Variants in PRH1 observed in about 807,000 individuals in gnomAD.
The protein encoded by PRH1 is salivary acidic proline-rich phosphoprotein 1/2.
A neutral mutation model predicts 7.9 loss-of-function variants in PRH1; 7 were observed. The ratio of observed to expected loss-of-function variants is 0.89; its 90% CI spans 0.50 to 1.67. The LOEUF (loss-of-function observed/expected upper bound fraction) is 1.67, where lower values mean the gene tolerates loss of function less well. Ranked by LOEUF, PRH1 falls within the 40% of genes most tolerant of loss-of-function variation. The probability of loss-of-function intolerance (pLI) is 0.00; values close to 1 mark genes in which losing one functional copy is unlikely to be tolerated. For synonymous variants in PRH1, 45 were observed against 80.8 expected, an observed-to-expected ratio of 0.56 and a Z score of 2.38; for missense variants, 109 against 223.6, an observed-to-expected ratio of 0.49 and a Z score of 3.27.
At chr12:10,965,181 A>G in intron 2 of PRH1, 1 of 1,485,988 alleles carries the variant, frequency 6.7e-7, no homozygotes, top group Non-Finnish European at 9.1e-7. Context: ...ACCCAGAGCA[A>G]ACCAACTCTG....
chr12:10,960,604 G>A (rs1198404207), intron 2 of PRH1, among the ~76,000 whole-genome samples: 1 of 152,190 alleles, frequency 6.6e-6, no homozygotes, highest in East Asian at 1.9e-4. Context: ...TTATGTCAGA[G>A]CTGTGTCACT....
chr12:11,157,835 A>G (rs532141837), intron 1 of PRH1, among the ~76,000 whole-genome samples: 29 of 152,318 alleles, frequency 1.9e-4, no homozygotes, highest in Admixed American at 1.8e-3. Flanking sequence ...GGTGGTGGTG[A>G]TGATGATATT....
chr12:10,986,613 G>C (rs1176812465), intron 1 of PRH1: 2 of 1,613,764 alleles, frequency 1.2e-6, no homozygotes, highest in Admixed American at 1.7e-5. Flanking sequence ...ATTATAAGAA[G>C]TAATTCTTAA....
chr12:11,009,520 G>C (rs1381322003), intron 1 of PRH1, among the ~76,000 whole-genome samples: 4 of 151,902 alleles, frequency 2.6e-5, no homozygotes, highest in Admixed American at 6.6e-5. Flanking sequence ...AAGTATGTTA[G>C]ATATTCTGAC....
intron 1 of PRH1, among the ~76,000 whole-genome samples, chr12:11,058,908 CAT>C (rs780535978): frequency 7.9e-5 from 12 of 152,304 alleles, no homozygotes; most frequent in Middle Eastern, 3.4e-3. Context: ...TGGACACAGA[CAT>C]GTGCTTTCTT....
At chr12:10,944,541 G>A (rs528177700) in intron 2 of PRH1, among the ~76,000 whole-genome samples, 18 of 152,002 alleles carry the variant, frequency 1.2e-4, no homozygotes, top group Middle Eastern at 3.4e-3. Context: ...TTTTTTGGGC[G>A]TCCTTTATTT....
downstream of PRH1, among the ~76,000 whole-genome samples, chr12:11,119,479 A>G (rs951050004): frequency 6.6e-6 from 1 of 152,184 alleles, no homozygotes; most frequent in African/African-American, 2.4e-5. Flanking sequence ...TGGCTACCCC[A>G]TTCTTATGTG....
rs199859766 is a variant in PRH1 at position 10,972,928 on chromosome 12, A to AC, written c.-59+726dup. ...CAATTAACACGTACAAAGCACCACAACCCACCCCCCCCGCCCGCCCACACA... is the reference window on the plus strand; with the variant it reads ...CAATTAACACGTACAAAGCACCACAACCCCACCCCCCCCGCCCGCCCACACA... On this transcript the variant is annotated intron_variant, in intron 2 of 3. Coordinates refer to the PRH1 transcript ENST00000539853. 3.9e-3 allele frequency among the ~76,000 whole-genome samples: 393 copies of AC among 100,172 alleles called. 5 individuals carry two copies. The highest frequency in any genetic ancestry group is 7.5e-3 in the African/African-American group (198 of 26,424). The allele number at this position is 100,172 out of a possible 152,430, so 65.7% of individuals were successfully genotyped here.
intron 1 of PRH1, among the ~76,000 whole-genome samples, chr12:11,010,221 T>A (rs1317047707): frequency 6.6e-6 from 1 of 151,970 alleles, no homozygotes; most frequent in East Asian, 1.9e-4. Flanking sequence ...CCCAAAATGA[T>A]AATCTTTTAA....
chr12:11,005,944 A>G (rs1940808563), intron 1 of PRH1: 4 of 152,036 alleles, frequency 2.6e-5, no homozygotes, highest in Non-Finnish European at 4.4e-5. Context: ...TTCCCTTGGT[A>G]TGAATATTCA....
At chr12:10,932,299 C>A in intron 2 of PRH1, 1 of 382,706 alleles carries the variant, frequency 2.6e-6, no homozygotes, top group Non-Finnish European at 5.7e-6. Context: ...TTCAATATAC[C>A]AATAAAATAA....
At chr12:11,012,201 T>C (rs113368217) in intron 1 of PRH1, among the ~76,000 whole-genome samples, 58 of 152,304 alleles carry the variant, frequency 3.8e-4, no homozygotes, top group African/African-American at 1.3e-3. Context: ...ATTTAATGGT[T>C]TAAGATGAAT....
At chr12:11,032,955 A>G (rs1942291301) in intron 1 of PRH1, among the ~76,000 whole-genome samples, 1 of 152,098 alleles carries the variant, frequency 6.6e-6, no homozygotes, top group African/African-American at 2.4e-5. Context: ...TATCTAGTAC[A>G]CTGTTCCCAG....
chr12:11,133,199 A>T, intron 1 of PRH1: 1 of 1,495,078 alleles, frequency 6.7e-7, no homozygotes, highest in Non-Finnish European at 8.9e-7. Context: ...TTCTAGGTAT[A>T]CATGTGGAAA....
chr12:11,078,442 T>C lies in PRH1; in HGVS notation n.124-31254A>G, dbSNP rs564648892. ...GAGTTCAAAGCTGTCTTCATAGAAA[T>C]AGAAAATATTGTTATTCTCAAAACA... On this transcript the variant is annotated intron_variant and non_coding_transcript_variant, in intron 1 of 4. Coordinates refer to the PRH1 transcript ENST00000541977. 4.7e-4 allele frequency: 14 copies of C among 29,906 alleles called. 1 individual carries two copies. In the South Asian group the frequency reaches 0.012, roughly 26 times the overall value. 1.9% of individuals were successfully genotyped at this position (29,906 alleles called of 1,614,324 possible).
Position 11,085,838 on chromosome 12 carries a change from T to C in PRH1, n.124-38650A>G, listed in dbSNP as rs117831752. Among the ~76,000 whole-genome samples the C allele has an allele frequency of 2.4e-4, 23 of 95,244 alleles. 6 individuals carry two copies. The highest frequency in any genetic ancestry group is 8.0e-4 in the African/African-American group (23 of 28,638). The allele number at this position is 95,244 out of a possible 152,430, so 62.5% of individuals were successfully genotyped here. ...ATTTGTGTTCAGCAATGTCGGTTGT[T>C]AGGGAAATTTTCCAAACTAATACAT... On this transcript the variant is annotated intron_variant and non_coding_transcript_variant, in intron 1 of 4. Coordinates refer to the PRH1 transcript ENST00000541977.
chr12:11,107,202 A>G (rs1319145816), intron 1 of PRH1, among the ~76,000 whole-genome samples: 1 of 152,010 alleles, frequency 6.6e-6, no homozygotes, highest in Non-Finnish European at 1.5e-5. Flanking sequence ...GAGTCTCCCT[A>G]TGTTGCCCAG....
intron 2 of PRH1, among the ~76,000 whole-genome samples, chr12:10,944,164 T>C (rs1220912955): frequency 6.6e-6 from 1 of 152,226 alleles, no homozygotes; most frequent in Non-Finnish European, 1.5e-5. Flanking sequence ...GTACATTCCT[T>C]TGGGCAGTAC....
At chr12:10,989,655 A>G (rs945037105) in intron 1 of PRH1, among the ~76,000 whole-genome samples, 2 of 152,192 alleles carry the variant, frequency 1.3e-5, no homozygotes, top group Non-Finnish European at 2.9e-5. Flanking sequence ...ATTTAGACTT[A>G]TGCACATATT....
Sources: gnomAD v4.1 joint callset for allele counts (sites outside exome capture counted in the v4.1 genomes callset) on GRCh38, gnomAD v4.1.1 for gene constraint, MANE v1.5 for transcripts, NCBI Gene and HGNC (gene_info 2026-07-23, HGNC 2026-07-21) for gene names.